The following DNAH11 variants were observed in gnomAD, a reference collection of about 807,000 sequenced individuals.
DNAH11 encodes the protein dynein axonemal heavy chain 11.
In DNAH11, 442 loss-of-function variants were observed where a neutral mutation model predicts 526.0. That is an observed-to-expected ratio of 0.84 (90% CI 0.78 to 0.91). The LOEUF (loss-of-function observed/expected upper bound fraction) is 0.91, where lower values mean the gene tolerates loss of function less well. Among genes scored for constraint, DNAH11 ranks in the 40% least tolerant of loss-of-function variants. DNAH11 has a pLI of 0.00. For synonymous variants in DNAH11, 2,461 were observed against 1,935.9 expected, an observed-to-expected ratio of 1.27 and a Z score of -7.12; for missense variants, 6,989 against 5,448.7, an observed-to-expected ratio of 1.28 and a Z score of -8.90.
chr7:21,872,123 C>CAAAAAA (rs776718319), intron 73 of DNAH11, among the ~76,000 whole-genome samples: 1 of 30,822 alleles, frequency 3.2e-5, no homozygotes, highest in Non-Finnish European at 5.6e-5. Flanking sequence ...GACTCTGTCT[C>CAAAAAA]AAAAAAAAAA....
At chr7:21,788,087 G>C (rs1583695362) in intron 60 of DNAH11, among the ~76,000 whole-genome samples, 1 of 152,256 alleles carries the variant, frequency 6.6e-6, no homozygotes, top group African/African-American at 2.4e-5. Flanking sequence ...GCAGTGTAGA[G>C]ATAGATTATA....
At chr7:21,666,637 G>A (rs6975512) in intron 30 of DNAH11, among the ~76,000 whole-genome samples, 85,870 of 151,804 alleles carry the variant, frequency 0.57, 24,519 homozygotes, top group Admixed American at 0.68. Context: ...AGTTGCTAAG[G>A]AAGTCTTTTA....
At chr7:21,701,320 C>T (rs998291117) in intron 36 of DNAH11, among the ~76,000 whole-genome samples, 6 of 148,634 alleles carry the variant, frequency 4.0e-5, no homozygotes, top group Non-Finnish European at 5.9e-5. Flanking sequence ...GACAGTGCCT[C>T]GCTTTGTTAC....
chr7:21,746,675 T>G (rs1034865343), intron 51 of DNAH11, among the ~76,000 whole-genome samples: 21 of 152,242 alleles, frequency 1.4e-4, no homozygotes, highest in African/African-American at 5.1e-4. Flanking sequence ...TTTAGAAGAA[T>G]TAATCTTTAA....
rs1208685996 is a variant in DNAH11, at chr7:21,601,010, A to G, written c.3256A>G (p.Ile1086Val). ...CTAATTAATCTTTTTCTCACTACAG[A>G]TTGACATTTATGAAGCTTTGTATGT... ...PPTLEQFKEQIDIYEALYVQM... is the reference protein window; with the variant it reads ...PPTLEQFKEQVDIYEALYVQM... Residue 1086 changes from isoleucine to valine, a missense_variant and splice_region_variant, in exon 17 of 82, where the codon ATT becomes GTT. Coordinates refer to ENST00000409508, the MANE Select transcript of DNAH11 (RefSeq NM_001277115.2). The G allele has an allele frequency of 3.7e-6, 6 of 1,610,470 alleles. No homozygotes were observed. The highest frequency in any genetic ancestry group is 5.1e-6 in the Non-Finnish European group (6 of 1,179,228).
At chr7:21,727,599 A>C (rs1193795585) in intron 45 of DNAH11, among the ~76,000 whole-genome samples, 1 of 152,062 alleles carries the variant, frequency 6.6e-6, no homozygotes, top group Non-Finnish European at 1.5e-5. Context: ...TTCTACCTCA[A>C]TGTGTTTTCC....
chr7:21,616,117 A>G lies in DNAH11; in HGVS notation c.4012-92A>G, dbSNP rs941030214. On this transcript the variant is annotated intron_variant, in intron 21 of 81. Coordinates refer to ENST00000409508, the MANE Select transcript of DNAH11 (RefSeq NM_001277115.2). ...AAATTGACTTTCCACTGGATGATAG[A>G]GTTACAGTGTATCATCAGTTTATAT... 4.3e-6 allele frequency: 4 copies of G among 928,862 alleles called. No individual in the cohort carries two copies. In the Admixed American group the frequency reaches 6.0e-5, roughly 14 times the overall value. 57.5% of individuals were successfully genotyped at this position (928,862 alleles called of 1,614,324 possible).
intron 74 of DNAH11, among the ~76,000 whole-genome samples, chr7:21,875,970 G>A (rs182547808): frequency 1.1e-3 from 144 of 131,180 alleles, no homozygotes; most frequent in African/African-American, 2.9e-3. Flanking sequence ...TGCAAGCTCC[G>A]CCTCCCAGGT....
intron 14 of DNAH11, among the ~76,000 whole-genome samples, chr7:21,598,692 A>C (rs111926891): frequency 4.0e-4 from 61 of 152,240 alleles, no homozygotes; most frequent in African/African-American, 1.3e-3. Context: ...CCCAGGTATT[A>C]TGCCTAGTAC....
intron 45 of DNAH11, among the ~76,000 whole-genome samples, chr7:21,733,270 T>G (rs2128488266): frequency 6.6e-6 from 1 of 152,240 alleles, no homozygotes; most frequent in Admixed American, 6.5e-5. Context: ...CGCCTGTAAT[T>G]TCAGCTACTT....
chr7:21,730,622 A>G (rs910683363), intron 45 of DNAH11, among the ~76,000 whole-genome samples: 9 of 152,196 alleles, frequency 5.9e-5, no homozygotes, highest in African/African-American at 2.2e-4. Context: ...GATTTCACTG[A>G]CTTGTGAAAT....
At chr7:21,808,452 C>G (rs894385226) in intron 63 of DNAH11, among the ~76,000 whole-genome samples, 8 of 152,030 alleles carry the variant, frequency 5.3e-5, no homozygotes, top group African/African-American at 1.9e-4. Flanking sequence ...TACAGTTTCC[C>G]TACTGTGTTA....
intron 20 of DNAH11, among the ~76,000 whole-genome samples, chr7:21,614,686 T>A (rs1419479605): frequency 6.6e-6 from 1 of 152,202 alleles, no homozygotes; most frequent in African/African-American, 2.4e-5. Flanking sequence ...TTATTGATAA[T>A]CTGTAGGGTA....
intron 30 of DNAH11, among the ~76,000 whole-genome samples, chr7:21,660,281 ATAAG>A: frequency 6.6e-6 from 1 of 152,176 alleles, no homozygotes; most frequent in East Asian, 1.9e-4. Context: ...CATTATGCAT[ATAAG>A]TAAGGACATT....
At chr7:21,751,845 C>T (rs746382095) in intron 54 of DNAH11, among the ~76,000 whole-genome samples, 4 of 152,176 alleles carry the variant, frequency 2.6e-5, no homozygotes, top group African/African-American at 4.8e-5. Flanking sequence ...ATACATTTGT[C>T]AGGTAGTAAC....
chr7:21,704,219 T>G lies in DNAH11; in HGVS notation c.6274-215T>G, dbSNP rs6961486. On this transcript the variant is annotated intron_variant, in intron 37 of 81. Coordinates refer to ENST00000409508, the MANE Select transcript of DNAH11 (RefSeq NM_001277115.2). The stretch of plus-strand genomic sequence containing the variant: ...AAAGGCCTCTTTGCTGTTCTTATTC[T>G]AAGGATTGTTCATTGTATCAGTTCA... 0.013 allele frequency among the ~76,000 whole-genome samples: 1,917 copies of G among 152,324 alleles called. 39 individuals are homozygous for G. Among genetic ancestry groups the G allele is most frequent in the African/African-American group, 0.044 (1,837 of 41,580 alleles).
intron 58 of DNAH11, among the ~76,000 whole-genome samples, chr7:21,784,988 C>T (rs1489781897): frequency 6.6e-6 from 1 of 152,220 alleles, no homozygotes; most frequent in Non-Finnish European, 1.5e-5. Flanking sequence ...TTGGTCCCCA[C>T]CATTTCTTCG....
intron 63 of DNAH11, among the ~76,000 whole-genome samples, chr7:21,808,437 T>C (rs1000048201): frequency 6.6e-6 from 1 of 152,172 alleles, no homozygotes; most frequent in Non-Finnish European, 1.5e-5. Flanking sequence ...CAATAAATTA[T>C]TAACTACAGT....
chr7:21,864,969 T>A (rs1267571786), intron 70 of DNAH11, among the ~76,000 whole-genome samples: 3 of 152,218 alleles, frequency 2.0e-5, no homozygotes, highest in Admixed American at 2.0e-4. Flanking sequence ...AATCTAAAAT[T>A]TGTTTTCTTT....
Sources: allele counts gnomAD v4.1 joint callset (sites outside exome capture counted in the v4.1 genomes callset), GRCh38; gene constraint gnomAD v4.1.1; transcripts MANE v1.5; gene names NCBI Gene and HGNC (gene_info 2026-07-23, HGNC 2026-07-21).